The following ZNF442 variants were observed in gnomAD, a reference collection of about 807,000 sequenced individuals.
ZNF442 encodes the protein zinc finger protein 442.
In ZNF442, 45 loss-of-function variants were observed where a neutral mutation model predicts 57.0. The ratio of observed to expected loss-of-function variants is 0.79; its 90% CI spans 0.62 to 1.01. ZNF442 has a LOEUF of 1.01. Among genes scored for constraint, ZNF442 ranks in the 50% least tolerant of loss-of-function variants. The probability of loss-of-function intolerance (pLI) is 0.00; values close to 1 mark genes in which losing one functional copy is unlikely to be tolerated. For missense variants in ZNF442, 690 were observed against 756.5 expected (o/e 0.91, Z 1.03); for synonymous variants, 213 against 241.8 (o/e 0.88, Z 1.10).
rs1371217514 is a variant in ZNF442 at position 12,353,049 on chromosome 19, T to C, written c.144A>G (p.Pro48=). 7 of 1,613,700 alleles carry C rather than the reference T, an allele frequency of 4.3e-6. No individual in the cohort carries two copies. The highest frequency in any genetic ancestry group is 1.7e-5 in the Admixed American group (1 of 59,930). Residue 48 remains proline, a synonymous_variant, in exon 4 of 6, where the codon CCA becomes CCG. Coordinates refer to ENST00000242804, the MANE Select transcript of ZNF442 (RefSeq NM_030824.3). ...FTQEEWALLG[P]SQKSLYRDVM... ...CATCTCTGTACAGACTCTTCTGTGATGGACCCAGCAAAGCCCACTCTTCCT... is the reference window on the plus strand; with the variant it reads ...CATCTCTGTACAGACTCTTCTGTGACGGACCCAGCAAAGCCCACTCTTCCT...
chr19:12,354,314 C>T (rs944107480), intron 3 of ZNF442, among the ~76,000 whole-genome samples: 1 of 152,146 alleles, frequency 6.6e-6, no homozygotes, highest in Non-Finnish European at 1.5e-5. Flanking sequence ...GCTTCACCAT[C>T]CCAATGCAAG....
chr19:12,363,582 G>A lies in ZNF442; in HGVS notation c.50C>T (p.Ser17Phe). ...TTGTTTTCTCTCTTCATTAGTCTGA[G>A]AGTCAGGAAGGAAGAGATCACTTCT... ...EDRSDLFLPD[S>F]QTNEERKQYD... Residue 17 changes from serine to phenylalanine, a missense_variant, in exon 3 of 6, where the codon TCT becomes TTT. Coordinates refer to ENST00000242804, the MANE Select transcript of ZNF442 (RefSeq NM_030824.3). The A allele has an allele frequency of 1.9e-6, 3 of 1,614,208 alleles. No homozygotes were observed. The highest frequency in any genetic ancestry group is 2.5e-6 in the Non-Finnish European group (3 of 1,180,040).
intron 4 of ZNF442, among the ~76,000 whole-genome samples, chr19:12,352,359 A>G (rs990984350): frequency 6.6e-6 from 1 of 152,176 alleles, no homozygotes; most frequent in Non-Finnish European, 1.5e-5. Flanking sequence ...CTGGGACTAC[A>G]GGTGTGCACC....
chr19:12,367,725 G>A (rs1404907972), upstream of ZNF442, among the ~76,000 whole-genome samples: 1 of 152,068 alleles, frequency 6.6e-6, no homozygotes, highest in Non-Finnish European at 1.5e-5. Context: ...CTGGAGTGCA[G>A]TGGCACAATC....
chr19:12,355,008 T>C (rs1969302674), intron 3 of ZNF442, among the ~76,000 whole-genome samples: 1 of 152,052 alleles, frequency 6.6e-6, no homozygotes, highest in Non-Finnish European at 1.5e-5. Flanking sequence ...AAGACAAAAC[T>C]AGGCCAGGAG....
chr19:12,367,675 A>AT (rs1969549400), upstream of ZNF442, among the ~76,000 whole-genome samples: 3 of 150,264 alleles, frequency 2.0e-5, no homozygotes, highest in African/African-American at 7.5e-5. Context: ...ATTATTATAT[A>AT]TATTTTTTTG....
chr19:12,368,744 G>A (rs914263055), upstream of ZNF442, among the ~76,000 whole-genome samples: 2 of 152,180 alleles, frequency 1.3e-5, no homozygotes, highest in South Asian at 4.1e-4. Flanking sequence ...TGCTAGGACA[G>A]ATAATAAAGA....
At chr19:12,359,809 C>A (rs1969392778) in intron 3 of ZNF442, among the ~76,000 whole-genome samples, 1 of 152,058 alleles carries the variant, frequency 6.6e-6, no homozygotes, top group Non-Finnish European at 1.5e-5. Flanking sequence ...GAAACCTCAT[C>A]TCTACAAAAA....
chr19:12,361,648 T>A (rs1195356248), intron 3 of ZNF442, among the ~76,000 whole-genome samples: 1 of 151,960 alleles, frequency 6.6e-6, no homozygotes, highest in Non-Finnish European at 1.5e-5. Context: ...AGGGTTTTTT[T>A]GTTTCTACAA....
the ZNF442 span, among the ~76,000 whole-genome samples, chr19:12,372,321 TG>T: frequency 1.3e-5 from 2 of 151,922 alleles, no homozygotes; most frequent in African/African-American, 4.8e-5. Flanking sequence ...TATCCAGACA[TG>T]GTGGCGGGCG....
Position 12,350,920 on chromosome 19 carries a change from C to G in ZNF442, c.665G>C (p.Ser222Thr). Residue 222 changes from serine (S) to threonine (T), a missense_variant, in exon 6 of 6, where the codon AGT (serine) becomes ACT (threonine). Coordinates refer to ENST00000242804, the MANE Select transcript of ZNF442 (RefSeq NM_030824.3). ...KLCGKAFFWP[S>T]LFRMHERTHT... The stretch of plus-strand genomic sequence containing the variant: ...AGTTCTTTCATGCATACGAAATAAA[C>G]TAGGCCAAAAAAAGGCTTTCCCACA... 6.2e-7 allele frequency: 1 copy of G among 1,614,148 alleles called. No homozygotes were observed. Among genetic ancestry groups the G allele is most frequent in the Non-Finnish European group, 8.5e-7 (1 of 1,180,022 alleles).
Position 12,363,593 on chromosome 19 carries a change from G to A in ZNF442, c.39C>T (p.Phe13=), listed in dbSNP as rs760935703. The change falls in exon 3 of 6, where the codon TTC becomes TTT. Residue 13 remains phenylalanine, a synonymous_variant. Transcript: ENST00000242804. The stretch of plus-strand genomic sequence containing the variant: ...CTTCATTAGTCTGAGAGTCAGGAAG[G>A]AAGAGATCACTTCTGTCTTCTCCCC... ...VFGGEDRSDL[F]LPDSQTNEER... The A allele has an allele frequency of 6.2e-7, 1 of 1,614,194 alleles. No individual in the cohort carries two copies. Among genetic ancestry groups the A allele is most frequent in the Non-Finnish European group, 8.5e-7 (1 of 1,180,034 alleles).
intron 4 of ZNF442, among the ~76,000 whole-genome samples, chr19:12,352,304 G>A (rs529181451): frequency 4.6e-5 from 7 of 151,970 alleles, no homozygotes; most frequent in Non-Finnish European, 8.8e-5. Context: ...TGCAACCTCC[G>A]CTTCCTGGGT....
intron 3 of ZNF442, among the ~76,000 whole-genome samples, chr19:12,362,885 GAAA>G (rs901065168): frequency 1.5e-4 from 20 of 135,426 alleles, no homozygotes; most frequent in African/African-American, 4.9e-4. Flanking sequence ...TCTGCCTTGG[GAAA>G]AAAAAAAAAA....
intron 3 of ZNF442, among the ~76,000 whole-genome samples, chr19:12,362,325 C>T (rs1024553044): frequency 4.0e-5 from 6 of 151,882 alleles, no homozygotes; most frequent in African/African-American, 1.2e-4. Flanking sequence ...AGCGCCTCTG[C>T]CCCGCCGCCC....
At chr19:12,363,806 G>T in intron 2 of ZNF442, 135 bp from the exon 3 acceptor site, 1 of 607,870 alleles carries the variant, frequency 1.6e-6, no homozygotes, top group Non-Finnish European at 3.0e-6. Context: ...ACCTCAGGCT[G>T]CTCACTGGGA....
chr19:12,372,705 T>C, the ZNF442 span, among the ~76,000 whole-genome samples: 1 of 152,092 alleles, frequency 6.6e-6, no homozygotes, highest in Non-Finnish European at 1.5e-5. Flanking sequence ...GACAATAGAG[T>C]TACACCTTTT....
At chr19:12,355,363 ATTT>A (rs111591151) in intron 3 of ZNF442, among the ~76,000 whole-genome samples, 2 of 137,198 alleles carry the variant, frequency 1.5e-5, no homozygotes, top group Non-Finnish European at 3.2e-5. Context: ...TTTAATGAGA[ATTT>A]TTTTTTTTTT....
rs1159313030 is a variant in ZNF442 at position 12,350,746 on chromosome 19, T to C, written c.839A>G (p.Tyr280Cys). 2.4e-5 allele frequency: 39 copies of C among 1,613,940 alleles called. No homozygotes were observed. The highest frequency in any genetic ancestry group is 3.1e-5 in the Non-Finnish European group (37 of 1,180,004). ...CSKAFPDYSS[Y>C]VRHERTHTGE... ...AGTGTGAGTTCTTTCATGTCTTACA[T>C]AGGAACTGTAATCAGGGAAGGCTTT... The change falls in exon 6 of 6, where the codon TAT becomes TGT. Residue 280 changes from tyrosine (Y) to cysteine (C), a missense_variant. Tyr to Cys is a radical substitution (Grantham distance 194). Coordinates refer to ENST00000242804, the MANE Select transcript of ZNF442 (RefSeq NM_030824.3).
Sources: gnomAD v4.1 joint callset for allele counts (sites outside exome capture counted in the v4.1 genomes callset) on GRCh38, gnomAD v4.1.1 for gene constraint, MANE v1.5 for transcripts, NCBI Gene and HGNC (gene_info 2026-07-23, HGNC 2026-07-21) for gene names.